Variants in CCSER1 observed in about 807,000 individuals in gnomAD.
The protein encoded by CCSER1 is serine-rich coiled-coil domain-containing protein 1.
CCSER1 carries 41 observed loss-of-function variants against 82.0 expected under a neutral mutation model. The ratio of observed to expected loss-of-function variants is 0.50; its 90% CI spans 0.39 to 0.65. The LOEUF is 0.65. Ranked by LOEUF, CCSER1 falls within the 30% of genes least tolerant of loss-of-function variation. The probability of loss-of-function intolerance (pLI) is 0.00; values close to 1 mark genes in which losing one functional copy is unlikely to be tolerated. For synonymous variants in CCSER1, 414 were observed against 383.9 expected, an observed-to-expected ratio of 1.08 and a Z score of -0.92; for missense variants, 1,119 against 1,064.2, an observed-to-expected ratio of 1.05 and a Z score of -0.72.
At chr4:90,233,598 A>G (rs1174000610) in intron 1 of CCSER1, among the ~76,000 whole-genome samples, 1 of 150,450 alleles carries the variant, frequency 6.6e-6, no homozygotes, top group Admixed American at 6.6e-5. Context: ...CATTGTGCAC[A>G]TGTACCCTAA....
At chr4:91,107,062 T>A (rs959692194) in intron 10 of CCSER1, among the ~76,000 whole-genome samples, 1 of 152,206 alleles carries the variant, frequency 6.6e-6, no homozygotes, top group Non-Finnish European at 1.5e-5. Flanking sequence ...TGTTTAGATA[T>A]GCTTAGATAC....
Position 90,466,604 on chromosome 4 carries a change from A to T in CCSER1, c.1604-1630A>T, listed in dbSNP as rs576560201. On this transcript the variant is annotated intron_variant, in intron 4 of 10. Transcript: ENST00000509176. ...TTCTGATCTCTAGAACTGTGAAATG[A>T]TTAATGGATATTGTTTTAAGCTCCT... Among the ~76,000 whole-genome samples the T allele has an allele frequency of 3.9e-5, 6 of 152,334 alleles. No homozygotes were observed. In the South Asian group the frequency reaches 1.2e-3, roughly 32 times the overall value.
intron 1 of CCSER1, among the ~76,000 whole-genome samples, chr4:90,154,722 T>C (rs1210665199): frequency 6.8e-6 from 1 of 147,766 alleles, no homozygotes; most frequent in African/African-American, 2.5e-5. Flanking sequence ...TTTTTGTACA[T>C]TGATTTTGTA....
chr4:90,967,143 A>G (rs1734643012), intron 9 of CCSER1, among the ~76,000 whole-genome samples: 1 of 152,036 alleles, frequency 6.6e-6, no homozygotes, highest in South Asian at 2.1e-4. Flanking sequence ...ATACATCTCA[A>G]TGGTAAAAGG....
At chr4:91,007,399 T>C (rs1226337853) in intron 9 of CCSER1, among the ~76,000 whole-genome samples, 1 of 152,188 alleles carries the variant, frequency 6.6e-6, no homozygotes, top group Non-Finnish European at 1.5e-5. Context: ...AATACAGCAG[T>C]GGAGGTGTCA....
chr4:91,280,184 G>C (rs1035797578), intron 10 of CCSER1, among the ~76,000 whole-genome samples: 2 of 152,222 alleles, frequency 1.3e-5, no homozygotes. Flanking sequence ...AGTAATGCTG[G>C]CACCAGTGTT....
chr4:91,172,287 T>G (rs976217326), intron 10 of CCSER1, among the ~76,000 whole-genome samples: 3 of 152,180 alleles, frequency 2.0e-5, no homozygotes, highest in Non-Finnish European at 4.4e-5. Context: ...AAAGAAATTT[T>G]GTTCAACCAG....
chr4:91,347,970 T>G (rs1193030935), intron 10 of CCSER1, among the ~76,000 whole-genome samples: 1 of 152,034 alleles, frequency 6.6e-6, no homozygotes, highest in African/African-American at 2.4e-5. Context: ...TTATTTCCTT[T>G]TTTGTTGTTC....
chr4:90,705,254 C>T (rs1403912027), intron 6 of CCSER1, among the ~76,000 whole-genome samples: 1 of 152,294 alleles, frequency 6.6e-6, no homozygotes, highest in East Asian at 1.9e-4. Flanking sequence ...ACCCTGTTTG[C>T]CTGGGTATCA....
At chr4:90,812,346 T>G (rs1758461962) in intron 7 of CCSER1, among the ~76,000 whole-genome samples, 2 of 152,318 alleles carry the variant, frequency 1.3e-5, no homozygotes, top group South Asian at 4.1e-4. Context: ...CAATACCCTG[T>G]ATCCTTCAAT....
At chr4:91,210,373 C>T (rs909415577) in intron 10 of CCSER1, among the ~76,000 whole-genome samples, 10 of 151,200 alleles carry the variant, frequency 6.6e-5, no homozygotes, top group African/African-American at 2.2e-4. Context: ...TGGGGGATGT[C>T]ATATTTACAT....
intron 10 of CCSER1, among the ~76,000 whole-genome samples, chr4:91,169,386 C>A (rs13435880): frequency 6.6e-6 from 1 of 151,916 alleles, no homozygotes; most frequent in East Asian, 1.9e-4. Flanking sequence ...TTTGGGAGGC[C>A]GAGGCGGGTG....
chr4:90,920,775 CT>C (rs956346468), intron 8 of CCSER1, among the ~76,000 whole-genome samples: 2 of 151,686 alleles, frequency 1.3e-5, no homozygotes, highest in South Asian at 4.1e-4. Flanking sequence ...GATATATTTT[CT>C]TTTTTTCCCT....
intron 1 of CCSER1, among the ~76,000 whole-genome samples, chr4:90,281,207 C>T (rs2126281): frequency 0.12 from 18,460 of 151,972 alleles, 1,226 homozygotes; most frequent in Middle Eastern, 0.23. Context: ...GAAAACTAAA[C>T]GCCACGTGAT....
intron 10 of CCSER1, among the ~76,000 whole-genome samples, chr4:91,490,379 GTA>G (rs1758452403): frequency 6.6e-6 from 1 of 152,120 alleles, no homozygotes; most frequent in African/African-American, 2.4e-5. Context: ...AGGAAACATG[GTA>G]TATATACAAG....
chr4:90,917,074 A>C (rs1471095776), intron 8 of CCSER1, among the ~76,000 whole-genome samples: 1 of 152,210 alleles, frequency 6.6e-6, no homozygotes, highest in Admixed American at 6.5e-5. Flanking sequence ...GTGGGACTGT[A>C]AACTAGTTCA....
intron 10 of CCSER1, among the ~76,000 whole-genome samples, chr4:91,423,410 A>G (rs1753792272): frequency 6.6e-6 from 1 of 152,080 alleles, no homozygotes; most frequent in African/African-American, 2.4e-5. Flanking sequence ...AGCCTGGGTG[A>G]CAAGTGTGAA....
intron 6 of CCSER1, among the ~76,000 whole-genome samples, chr4:90,630,137 G>A (rs1488298060): frequency 9.2e-6 from 1 of 108,330 alleles, no homozygotes; most frequent in Non-Finnish European, 1.7e-5. Context: ...ATAACTGTAT[G>A]ATTCTATACT....
At chr4:91,148,683 G>A (rs1729798883) in intron 10 of CCSER1, among the ~76,000 whole-genome samples, 1 of 152,046 alleles carries the variant, frequency 6.6e-6, no homozygotes, top group South Asian at 2.1e-4. Context: ...CGCATCCTGT[G>A]TCCAAATGTT....
Sources: gnomAD v4.1 joint callset for allele counts (sites outside exome capture counted in the v4.1 genomes callset) on GRCh38, gnomAD v4.1.1 for gene constraint, MANE v1.5 for transcripts, NCBI Gene and HGNC (gene_info 2026-07-23, HGNC 2026-07-21) for gene names.